The following EVC2 variants were observed in gnomAD, a reference collection of about 807,000 sequenced individuals.
EVC2 encodes limbin.
Under a neutral mutation model 149.3 loss-of-function variants are expected in EVC2, and 148 were observed. The ratio of observed to expected loss-of-function variants is 0.99; its 90% CI spans 0.87 to 1.14. EVC2 has a LOEUF of 1.14. EVC2 is among the 50% of genes most tolerant of loss of function. The probability of loss-of-function intolerance (pLI) is 0.00; values close to 1 mark genes in which losing one functional copy is unlikely to be tolerated. For synonymous variants in EVC2, 776 were observed against 649.9 expected, an observed-to-expected ratio of 1.19 and a Z score of -2.95; for missense variants, 1,854 against 1,627.3, an observed-to-expected ratio of 1.14 and a Z score of -2.40.
chr4:5,628,505 C>T, intron 12 of EVC2, 54 bp downstream of exon 12: 1 of 1,578,684 alleles, frequency 6.3e-7, no homozygotes, highest in Non-Finnish European at 8.7e-7. Context: ...TCTGTCATAG[C>T]AGCAGAAAAC....
At chr4:5,698,554 A>C (rs1435529963) in intron 1 of EVC2, among the ~76,000 whole-genome samples, 1 of 152,164 alleles carries the variant, frequency 6.6e-6, no homozygotes, top group Middle Eastern at 3.2e-3. Flanking sequence ...TTTATGAATC[A>C]CTGGGCTCTA....
intron 16 of EVC2, among the ~76,000 whole-genome samples, chr4:5,588,920 A>G (rs2108794161): frequency 6.6e-6 from 1 of 152,372 alleles, no homozygotes; most frequent in Middle Eastern, 3.4e-3. Flanking sequence ...CCACAAGCTT[A>G]GCATTCCAAT....
chr4:5,588,231 A>G (rs1712472160), intron 16 of EVC2, among the ~76,000 whole-genome samples: 1 of 152,146 alleles, frequency 6.6e-6, no homozygotes, highest in African/African-American at 2.4e-5. Flanking sequence ...TCTCACTTGC[A>G]TTATTTGAAA....
intron 15 of EVC2, among the ~76,000 whole-genome samples, chr4:5,616,741 C>T (rs950516976): frequency 6.6e-6 from 1 of 152,230 alleles, no homozygotes; most frequent in African/African-American, 2.4e-5. Flanking sequence ...CGGCTCCATC[C>T]GTGCAAAAGC....
intron 16 of EVC2, 106 bp downstream of exon 16, chr4:5,615,316 T>C: frequency 1.9e-6 from 3 of 1,571,802 alleles, no homozygotes; most frequent in Non-Finnish European, 2.6e-6. Flanking sequence ...TGGGTGGAGA[T>C]GGATGGCACA....
At chr4:5,638,386 C>G (rs1014512791) in intron 10 of EVC2, among the ~76,000 whole-genome samples, 1 of 136,374 alleles carries the variant, frequency 7.3e-6, no homozygotes, top group African/African-American at 2.8e-5. Flanking sequence ...GAGACTCTAT[C>G]TCAAAAAACA....
At chr4:5,691,516 A>G (rs918334696) in intron 3 of EVC2, among the ~76,000 whole-genome samples, 183 bp from the exon 4 acceptor site, 1 of 152,234 alleles carries the variant, frequency 6.6e-6, no homozygotes, top group Non-Finnish European at 1.5e-5. Context: ...AAACTTATGG[A>G]AAGAAGAATG....
chr4:5,648,304 C>T (rs1331950707), intron 9 of EVC2, among the ~76,000 whole-genome samples: 1 of 152,170 alleles, frequency 6.6e-6, no homozygotes, highest in Non-Finnish European at 1.5e-5. Context: ...ACCTCCAGAA[C>T]TCTAAGATTC....
intron 16 of EVC2, among the ~76,000 whole-genome samples, chr4:5,589,887 T>C (rs1037866746): frequency 6.6e-6 from 1 of 152,158 alleles, no homozygotes; most frequent in Non-Finnish European, 1.5e-5. Flanking sequence ...GTTTAACAAA[T>C]ATTGCCGTTG....
At chr4:5,533,493 C>G in the EVC2 span, among the ~76,000 whole-genome samples, 2 of 152,180 alleles carry the variant, frequency 1.3e-5, no homozygotes, top group African/African-American at 4.8e-5. Context: ...GTGGCTTTTT[C>G]TCTGCCTGGG....
intron 7 of EVC2, among the ~76,000 whole-genome samples, chr4:5,669,224 A>G (rs1020698944): frequency 1.3e-5 from 2 of 152,232 alleles, no homozygotes; most frequent in Non-Finnish European, 2.9e-5. Flanking sequence ...AAATTGTTGT[A>G]TTAAGGTACC....
intron 10 of EVC2, among the ~76,000 whole-genome samples, chr4:5,639,218 C>T (rs1165146920): frequency 2.0e-5 from 3 of 152,122 alleles, no homozygotes; most frequent in Non-Finnish European, 2.9e-5. Context: ...GAAGGGAAGC[C>T]GAGTTCAGAA....
intron 11 of EVC2, among the ~76,000 whole-genome samples, chr4:5,629,546 G>C (rs1452816503): frequency 2.6e-5 from 4 of 152,208 alleles, no homozygotes; most frequent in Admixed American, 2.6e-4. Flanking sequence ...TTTTCTATCT[G>C]TGGAAATATC....
At chr4:5,650,638 T>TATATATATAGAG (rs1162935817) in intron 9 of EVC2, among the ~76,000 whole-genome samples, 12 of 45,096 alleles carry the variant, frequency 2.7e-4, no homozygotes, top group Non-Finnish European at 4.8e-4. Context: ...TATATATATA[T>TATATATATAGAG]AGAGAGAGAG....
rs188196390 is a variant in EVC2 at position 5,698,524 on chromosome 4, C to T, written c.229-877G>A. Among the ~76,000 whole-genome samples, 207 of 152,276 alleles carry T rather than the reference C, an allele frequency of 1.4e-3. 2 individuals are homozygous for T. The highest frequency in any genetic ancestry group is 4.8e-3 in the African/African-American group (199 of 41,552). On this transcript the variant is annotated intron_variant, in intron 1 of 21. Coordinates refer to ENST00000344408, the MANE Select transcript of EVC2 (RefSeq NM_147127.5). ...GAAAATTTGTCTAAACTGAGCCTGG[C>T]CAAACCCTTCCAATTTACCTTTATG...
chr4:5,546,738 A>T (rs1311749355), intron 21 of EVC2, among the ~76,000 whole-genome samples: 8 of 151,478 alleles, frequency 5.3e-5, no homozygotes, highest in Non-Finnish European at 1.2e-4. Context: ...GAAAAAAAAA[A>T]GGGAACTGAC....
rs570588335 is a variant in EVC2, at chr4:5,696,963, G to C, written c.283+630C>G. The stretch of plus-strand genomic sequence containing the variant: ...TGGATTATCCTGGTGGGCCCTAAAT[G>C]TCATCACAGATGTCCTTATAAGAGG... On this transcript the variant is annotated intron_variant, in intron 2 of 21. Transcript: ENST00000344408. This position sits in a 1 kb window ranked among gnomAD's most constrained non-coding sequence, Gnocchi z 4.1. Among the ~76,000 whole-genome samples the C allele has an allele frequency of 2.6e-5, 4 of 152,186 alleles. No homozygotes were observed. The highest frequency in any genetic ancestry group is 7.2e-5 in the African/African-American group (3 of 41,432).
At chr4:5,573,832 C>T (rs952952080) in intron 19 of EVC2, among the ~76,000 whole-genome samples, 7 of 152,116 alleles carry the variant, frequency 4.6e-5, no homozygotes, top group African/African-American at 1.2e-4. Context: ...CAAAGTGACT[C>T]GCACCTCCCC....
At chr4:5,588,108 T>C (rs906567930) in intron 16 of EVC2, among the ~76,000 whole-genome samples, 7 of 152,176 alleles carry the variant, frequency 4.6e-5, no homozygotes, top group Non-Finnish European at 7.3e-5. Context: ...ACTTTCAGCA[T>C]TGTAAGTCTA....
Sources: gnomAD v4.1 joint callset for allele counts (sites outside exome capture counted in the v4.1 genomes callset) on GRCh38, gnomAD v4.1.1 for gene constraint, Gnocchi (gnomAD v3.1) non-coding constraint, MANE v1.5 for transcripts, NCBI Gene and HGNC (gene_info 2026-07-23, HGNC 2026-07-21) for gene names.